The following GRM8 variants were observed in gnomAD, a reference collection of about 807,000 sequenced individuals.
GRM8 encodes the protein glutamate metabotropic receptor 8.
A neutral mutation model predicts 87.2 loss-of-function variants in GRM8; 47 were observed. That is an observed-to-expected ratio of 0.54 (90% CI 0.43 to 0.69). The LOEUF is 0.69. GRM8 is among the 30% of genes least tolerant of loss of function. The pLI, the probability that GRM8 is intolerant of heterozygous loss-of-function variation, is 0.00. For synonymous variants in GRM8, 396 were observed against 404.5 expected, an observed-to-expected ratio of 0.98 and a Z score of 0.25; for missense variants, 1,019 against 1,139.2, an observed-to-expected ratio of 0.89 and a Z score of 1.52.
At position 127,215,825 on chromosome 7, in the gene GRM8, G is replaced by C. The variant is rs17866907; in HGVS notation, c.510+26870C>G. ...AAAGCTAGCGAGGCAGTCATTTCAG[G>C]GCTTTGGAGAGGTCCTACTCTGTTA... is the stretch of plus-strand genomic sequence containing the variant. On this transcript the variant is annotated intron_variant, in intron 2 of 10. Coordinates refer to ENST00000339582, the MANE Select transcript of GRM8 (RefSeq NM_000845.3). 9.6e-4 allele frequency among the ~76,000 whole-genome samples: 146 copies of C among 152,206 alleles called. 1 individual carries two copies. The East Asian group carries it at 0.018, about 19-fold the overall frequency.
intron 7 of GRM8, among the ~76,000 whole-genome samples, chr7:126,659,104 C>T (rs2151274077): frequency 7.0e-6 from 1 of 142,496 alleles, no homozygotes; most frequent in Admixed American, 7.1e-5. Context: ...TCTTACACTT[C>T]CTTGTTATCT....
intron 6 of GRM8, among the ~76,000 whole-genome samples, chr7:126,844,726 C>T (rs1048854173): frequency 6.6e-6 from 1 of 152,166 alleles, no homozygotes; most frequent in African/African-American, 2.4e-5. Flanking sequence ...AAATGGCTGC[C>T]TTCTTGCTGT....
chr7:126,746,222 A>G (rs1456310821), intron 7 of GRM8, among the ~76,000 whole-genome samples: 1 of 151,772 alleles, frequency 6.6e-6, no homozygotes, highest in Non-Finnish European at 1.5e-5. Flanking sequence ...TAAACCTTCA[A>G]TGTATGGCCA....
intron 6 of GRM8, among the ~76,000 whole-genome samples, chr7:126,898,042 G>A (rs759172685): frequency 5.3e-5 from 8 of 152,076 alleles, no homozygotes; most frequent in Non-Finnish European, 8.8e-5. Context: ...AAATAATTAC[G>A]TTCGCAGATC....
At chr7:126,662,444 GA>G (rs1368321939) in intron 7 of GRM8, among the ~76,000 whole-genome samples, 1 of 152,156 alleles carries the variant, frequency 6.6e-6, no homozygotes, top group Admixed American at 6.5e-5. Context: ...AACCATGGCT[GA>G]AACTCTGAAA....
chr7:126,776,032 T>C (rs1448823136), intron 6 of GRM8, among the ~76,000 whole-genome samples: 2 of 152,266 alleles, frequency 1.3e-5, no homozygotes, highest in East Asian at 3.9e-4. Flanking sequence ...CTCAAATTTG[T>C]TAATATTTAA....
chr7:126,626,405 T>C (rs1261686981), intron 7 of GRM8, among the ~76,000 whole-genome samples: 1 of 152,210 alleles, frequency 6.6e-6, no homozygotes, highest in Non-Finnish European at 1.5e-5. Context: ...ATCCCTACCA[T>C]AGTAGGTAAG....
chr7:126,922,042 A>G (rs915564718), intron 3 of GRM8, among the ~76,000 whole-genome samples: 7 of 152,164 alleles, frequency 4.6e-5, no homozygotes, highest in Non-Finnish European at 8.8e-5. Context: ...AGAAGAAAAG[A>G]AACTGAATGG....
At chr7:127,176,490 C>G (rs1794116189) in intron 2 of GRM8, among the ~76,000 whole-genome samples, 1 of 152,142 alleles carries the variant, frequency 6.6e-6, no homozygotes, top group African/African-American at 2.4e-5. Flanking sequence ...GGAGGCAGGA[C>G]TAGATTACAG....
intron 9 of GRM8, chr7:126,512,021 G>A (rs76096308): frequency 0.02 from 3,045 of 152,124 alleles, 122 homozygotes; most frequent in African/African-American, 0.07. Context: ...TAAGGATCTT[G>A]ATAACTCTAT....
intron 6 of GRM8, among the ~76,000 whole-genome samples, chr7:126,878,666 C>A (rs1391436434): frequency 6.6e-6 from 1 of 151,764 alleles, no homozygotes; most frequent in Non-Finnish European, 1.5e-5. Flanking sequence ...ATTATGGGCA[C>A]CCGCCATCAT....
At chr7:126,686,395 G>C (rs1808196677) in intron 7 of GRM8, among the ~76,000 whole-genome samples, 1 of 152,304 alleles carries the variant, frequency 6.6e-6, no homozygotes, top group Non-Finnish European at 1.5e-5. Context: ...TGGGTGAAGA[G>C]AAGGAGAGAA....
chr7:126,791,076 T>G (rs1585948129), intron 6 of GRM8, among the ~76,000 whole-genome samples: 1 of 152,236 alleles, frequency 6.6e-6, no homozygotes. Flanking sequence ...CATCCTAAAG[T>G]GCCTAGCTTA....
chr7:127,086,251 C>T (rs868717318), intron 3 of GRM8, among the ~76,000 whole-genome samples: 2 of 152,134 alleles, frequency 1.3e-5, no homozygotes, highest in East Asian at 1.9e-4. Flanking sequence ...CAGGCACACG[C>T]CACCACACCC....
At chr7:126,669,549 T>C (rs1274532290) in intron 7 of GRM8, among the ~76,000 whole-genome samples, 2 of 152,210 alleles carry the variant, frequency 1.3e-5, no homozygotes, top group African/African-American at 2.4e-5. Flanking sequence ...TGTTGTGAGT[T>C]TACAAACTGC....
chr7:126,458,864 A>G (rs924565285), intron 9 of GRM8, among the ~76,000 whole-genome samples: 1 of 151,366 alleles, frequency 6.6e-6, no homozygotes, highest in Non-Finnish European at 1.5e-5. Flanking sequence ...ACTATTTAGA[A>G]ATTGAATAAT....
chr7:127,221,702 T>C (rs1796945153), intron 2 of GRM8, among the ~76,000 whole-genome samples: 1 of 152,222 alleles, frequency 6.6e-6, no homozygotes, highest in Non-Finnish European at 1.5e-5. Context: ...GAATCTAACC[T>C]GACACTGGGG....
At chr7:127,032,351 G>A (rs1817457540) in intron 3 of GRM8, among the ~76,000 whole-genome samples, 1 of 152,040 alleles carries the variant, frequency 6.6e-6, no homozygotes, top group Non-Finnish European at 1.5e-5. Flanking sequence ...CCAGGACACT[G>A]TCACATTCAA....
intron 3 of GRM8, among the ~76,000 whole-genome samples, chr7:126,947,534 G>A (rs1005223468): frequency 6.6e-6 from 1 of 151,518 alleles, no homozygotes; most frequent in African/African-American, 2.4e-5. Flanking sequence ...TATATATATT[G>A]TATATATATG....
Sources: gnomAD v4.1 joint callset for allele counts (sites outside exome capture counted in the v4.1 genomes callset) on GRCh38, gnomAD v4.1.1 for gene constraint, MANE v1.5 for transcripts, NCBI Gene and HGNC (gene_info 2026-07-23, HGNC 2026-07-21) for gene names.